LRRTM4: variants seen among roughly 807,000 people sequenced by gnomAD.
The protein encoded by LRRTM4 is leucine rich repeat transmembrane neuronal 4.
LRRTM4 carries 25 observed loss-of-function variants against 47.6 expected under a neutral mutation model. The ratio of observed to expected loss-of-function variants is 0.53; its 90% CI spans 0.38 to 0.73. The LOEUF (loss-of-function observed/expected upper bound fraction) is 0.73, where lower values mean the gene tolerates loss of function less well. Ranked by LOEUF, LRRTM4 falls within the 30% of genes least tolerant of loss-of-function variation. The pLI is 0.00. For synonymous variants in LRRTM4, 311 were observed against 269.5 expected (o/e 1.15, Z -1.51); for missense variants, 638 against 713.4 (o/e 0.89, Z 1.20).
At chr2:77,446,986 G>C (rs1014713415) in intron 3 of LRRTM4, among the ~76,000 whole-genome samples, 1 of 142,950 alleles carries the variant, frequency 7.0e-6, no homozygotes, top group African/African-American at 2.6e-5. Context: ...TCCAAAACTA[G>C]TACAAAATAA....
intron 3 of LRRTM4, among the ~76,000 whole-genome samples, chr2:77,484,240 C>A (rs1008500355): frequency 2.6e-5 from 4 of 152,212 alleles, no homozygotes; most frequent in African/African-American, 9.6e-5. Context: ...GAGCTAGCAA[C>A]AGGGGATTTC....
chr2:76,856,594 A>G (rs1468889203), intron 3 of LRRTM4, among the ~76,000 whole-genome samples: 2 of 152,158 alleles, frequency 1.3e-5, no homozygotes, highest in African/African-American at 4.8e-5. Context: ...CTTTAATAGG[A>G]AAAAGAAGAA....
chr2:76,955,109 A>G (rs2103896872), intron 3 of LRRTM4, among the ~76,000 whole-genome samples: 1 of 151,978 alleles, frequency 6.6e-6, no homozygotes, highest in African/African-American at 2.4e-5. Flanking sequence ...ATAAAAGGAC[A>G]CAAGACAGCA....
Position 77,010,501 on chromosome 2 carries a change from T to TACACACACACAC in LRRTM4, c.1552-261597_1552-261586dup, listed in dbSNP as rs34456976. Among the ~76,000 whole-genome samples, 564 of 139,902 alleles carry TACACACACACAC rather than the reference T, an allele frequency of 4.0e-3. 4 individuals are homozygous for TACACACACACAC. Among genetic ancestry groups the TACACACACACAC allele is most frequent in the Non-Finnish European group, 6.1e-3 (393 of 63,988 alleles). The allele number at this position is 139,902 out of a possible 152,430, so 91.8% of individuals were successfully genotyped here. On this transcript the variant is annotated intron_variant, in intron 3 of 3. Transcript: ENST00000409884. ...TAAGGCAGAATAGAATTGTATTGTT[T>TACACACACACAC]ACACACACACACACACACACACACA... is the stretch of plus-strand genomic sequence containing the variant.
chr2:77,029,533 T>G (rs1278628602), intron 3 of LRRTM4, among the ~76,000 whole-genome samples: 1 of 152,154 alleles, frequency 6.6e-6, no homozygotes, highest in African/African-American at 2.4e-5. Context: ...ACATTCCACT[T>G]TCTTCTGCCT....
chr2:76,882,361 C>T (rs1465483510), intron 3 of LRRTM4, among the ~76,000 whole-genome samples: 1 of 151,616 alleles, frequency 6.6e-6, no homozygotes, highest in African/African-American at 2.4e-5. Flanking sequence ...AAAATGAGAG[C>T]ACATTCTTGC....
At chr2:76,782,684 T>C (rs918460535) in intron 3 of LRRTM4, among the ~76,000 whole-genome samples, 1 of 152,202 alleles carries the variant, frequency 6.6e-6, no homozygotes, top group Non-Finnish European at 1.5e-5. Flanking sequence ...TCTGATTTTT[T>C]TCTATATTTT....
intron 3 of LRRTM4, among the ~76,000 whole-genome samples, chr2:76,973,852 T>A (rs1676305366): frequency 6.6e-6 from 1 of 151,874 alleles, no homozygotes; most frequent in African/African-American, 2.4e-5. Context: ...CTGTTACTAA[T>A]TCTCACAGCT....
intron 3 of LRRTM4, among the ~76,000 whole-genome samples, chr2:77,219,707 C>A (rs975789301): frequency 6.6e-6 from 1 of 152,186 alleles, no homozygotes; most frequent in Non-Finnish European, 1.5e-5. Context: ...TCCCGCCATT[C>A]TTTTACGCAG....
chr2:77,438,069 T>G (rs1413502572), intron 3 of LRRTM4, among the ~76,000 whole-genome samples: 1 of 152,220 alleles, frequency 6.6e-6, no homozygotes, highest in Non-Finnish European at 1.5e-5. Flanking sequence ...AGAATTGTAG[T>G]GAATATATTC....
At chr2:76,848,166 A>G (rs569786764) in intron 3 of LRRTM4, among the ~76,000 whole-genome samples, 1 of 152,096 alleles carries the variant, frequency 6.6e-6, no homozygotes, top group Non-Finnish European at 1.5e-5. Flanking sequence ...TTTCCCCAAT[A>G]AATTTGCCTC....
intron 3 of LRRTM4, among the ~76,000 whole-genome samples, chr2:76,899,632 G>C (rs1673553200): frequency 1.3e-5 from 2 of 152,020 alleles, no homozygotes; most frequent in South Asian, 4.2e-4. Context: ...TGAAAGGGAG[G>C]AAAGGCAGGA....
intron 3 of LRRTM4, among the ~76,000 whole-genome samples, chr2:77,441,183 T>G (rs1486864528): frequency 6.6e-6 from 1 of 152,166 alleles, no homozygotes; most frequent in African/African-American, 2.4e-5. Context: ...TTCTTAGAAT[T>G]AAAAAAGATA....
At chr2:77,405,295 A>T (rs978280772) in intron 3 of LRRTM4, among the ~76,000 whole-genome samples, 1 of 152,050 alleles carries the variant, frequency 6.6e-6, no homozygotes. Flanking sequence ...CAGTAGTGTT[A>T]CTTTTTCACC....
Position 77,518,656 on chromosome 2 carries a change from A to G in LRRTM4, c.1213T>C (p.Ser405Pro). ...GCGCCAGGAATCTGAAACCCTGGGG[A>G]AGGGCTTGGTGTTTCAAAGGTGGAT... is the stretch of plus-strand genomic sequence containing the variant. ...TQSTFETPSP[S>P]PGFQIPGAEQ... The change falls in exon 3 of 4, where the codon TCC becomes CCC. Residue 405 changes from serine (S) to proline (P), a missense_variant. Transcript: ENST00000409884. 3 of 1,613,420 alleles carry G rather than the reference A, an allele frequency of 1.9e-6. No homozygotes were observed. Among genetic ancestry groups the G allele is most frequent in the Non-Finnish European group, 2.5e-6 (3 of 1,179,636 alleles).
rs554610940 is a variant in LRRTM4 at position 77,431,078 on chromosome 2, C to T, written c.1551+87240G>A. On this transcript the variant is annotated intron_variant, in intron 3 of 3. Transcript: ENST00000409884. ...AGGTCTTCTGCCTAGGACTGAGAGTCGCAACATTGGTTTCCCCGGTTCTTC... is the reference window on the plus strand; with the variant it reads ...AGGTCTTCTGCCTAGGACTGAGAGTTGCAACATTGGTTTCCCCGGTTCTTC... 2.0e-4 allele frequency among the ~76,000 whole-genome samples: 30 copies of T among 148,884 alleles called. 2 individuals are homozygous for T. Among genetic ancestry groups the T allele is most frequent in the African/African-American group, 6.5e-4 (25 of 38,372 alleles).
At chr2:76,976,790 G>A (rs984619484) in intron 3 of LRRTM4, among the ~76,000 whole-genome samples, 3 of 151,732 alleles carry the variant, frequency 2.0e-5, no homozygotes, top group South Asian at 2.1e-4. Context: ...GGGTAAATAC[G>A]GTTAACAGTA....
chr2:77,303,622 A>G (rs1677197360), intron 3 of LRRTM4, among the ~76,000 whole-genome samples: 1 of 152,176 alleles, frequency 6.6e-6, no homozygotes, highest in Admixed American at 6.5e-5. Flanking sequence ...TTAATAAAAA[A>G]TTGTTGAATG....
In LRRTM4 at chr2:77,234,219, T is replaced by C. The variant is rs375820512; in HGVS notation, c.1551+284099A>G. 1.6e-4 allele frequency among the ~76,000 whole-genome samples: 24 copies of C among 152,328 alleles called. No individual in the cohort carries two copies. The East Asian group carries it at 4.4e-3, about 28-fold the overall frequency. Reference sequence around the variant, plus strand: ...CCAAATCATATAAACGAGATATATGTCCTTAATATTTTAACCACCCTCATT... The same window carrying C: ...CCAAATCATATAAACGAGATATATGCCCTTAATATTTTAACCACCCTCATT... On this transcript the variant is annotated intron_variant, in intron 3 of 3. Transcript: ENST00000409884.
Sources: allele counts gnomAD v4.1 joint callset (sites outside exome capture counted in the v4.1 genomes callset), GRCh38; gene constraint gnomAD v4.1.1; transcripts MANE v1.5; gene names NCBI Gene and HGNC (gene_info 2026-07-23, HGNC 2026-07-21).